The following SLC36A1 variants were observed in gnomAD, a reference collection of about 807,000 sequenced individuals.
The protein encoded by SLC36A1 is proton-coupled amino acid transporter 1.
SLC36A1 carries 30 observed loss-of-function variants against 47.5 expected under a neutral mutation model. That is an observed-to-expected ratio of 0.63 (90% confidence interval 0.47 to 0.86). The LOEUF (loss-of-function observed/expected upper bound fraction) is 0.86. Ranked by LOEUF, SLC36A1 falls within the 40% of genes least tolerant of loss-of-function variation. The pLI, the probability that SLC36A1 is intolerant of heterozygous loss-of-function variation, is 0.00. For synonymous variants in SLC36A1, 255 were observed against 249.7 expected, an observed-to-expected ratio of 1.02 and a Z score of -0.20; for missense variants, 517 against 606.0, an observed-to-expected ratio of 0.85 and a Z score of 1.54.
the SLC36A1 span, among the ~76,000 whole-genome samples, chr5:151,554,917 G>A: frequency 6.6e-6 from 1 of 152,202 alleles, no homozygotes; most frequent in Non-Finnish European, 1.5e-5. Context: ...GACAAAAGCT[G>A]GTGCTGTTTA....
At chr5:151,534,529 C>T in the SLC36A1 span, 2 of 1,613,936 alleles carry the variant, frequency 1.2e-6, no homozygotes, top group African/African-American at 1.3e-5. Context: ...ACATCCTCCA[C>T]ATGGAGGGTG....
At chr5:151,545,195 T>C in the SLC36A1 span, 2 of 1,614,204 alleles carry the variant, frequency 1.2e-6, no homozygotes, top group Non-Finnish European at 1.7e-6. Flanking sequence ...AAGTTCTCCT[T>C]CACAGCTGCC....
the SLC36A1 span, among the ~76,000 whole-genome samples, chr5:151,552,181 G>T: frequency 1.3e-5 from 2 of 152,014 alleles, no homozygotes; most frequent in Admixed American, 1.3e-4. Context: ...TGGAGTGTAT[G>T]GTGCAATCAT....
chr5:151,431,827 G>A, the SLC36A1 span, among the ~76,000 whole-genome samples: 1 of 152,184 alleles, frequency 6.6e-6, no homozygotes, highest in Admixed American at 6.5e-5. Flanking sequence ...GCGTGAAAAT[G>A]AACTAATACA....
chr5:151,441,598 T>C (rs930373791), intron 1 of SLC36A1, among the ~76,000 whole-genome samples: 1 of 152,202 alleles, frequency 6.6e-6, no homozygotes, highest in African/African-American at 2.4e-5. Context: ...ATTTCTGTAA[T>C]TGTATAATAT....
In SLC36A1 at chr5:151,491,439, A is replaced by G. The variant is rs185942910; in HGVS notation, c.*3185A>G. On this transcript the variant is annotated 3_prime_UTR_variant, in exon 11 of 11. Transcript: ENST00000243389. The stretch of plus-strand genomic sequence containing the variant: ...CTCACTGTCTATCCCCACGAAATTT[A>G]GTTTTATCAGTAGTCTTAAAGTGTT... The G allele has an allele frequency of 3.4e-4, 52 of 152,778 alleles. 1 individual carries two copies. Among genetic ancestry groups the G allele is most frequent in the Middle Eastern group, 3.4e-3 (1 of 294 alleles). 9.5% of individuals were successfully genotyped at this position (152,778 alleles called of 1,614,324 possible).
chr5:151,427,142 GT>G, the SLC36A1 span, among the ~76,000 whole-genome samples: 1 of 152,098 alleles, frequency 6.6e-6, no homozygotes, highest in South Asian at 2.1e-4. Flanking sequence ...TTACCCCACA[GT>G]ATCATGGCTT....
At chr5:151,402,416 TG>T in the SLC36A1 span, among the ~76,000 whole-genome samples, 7 of 152,210 alleles carry the variant, frequency 4.6e-5, no homozygotes, top group Non-Finnish European at 7.4e-5. Context: ...AGGATTTTTG[TG>T]TCAATGTTCA....
the SLC36A1 span, among the ~76,000 whole-genome samples, chr5:151,376,932 CA>C: frequency 6.6e-6 from 1 of 151,958 alleles, no homozygotes; most frequent in Non-Finnish European, 1.5e-5. Context: ...CGCACCCGGC[CA>C]AAAAAATTTT....
chr5:151,520,219 G>A, the SLC36A1 span, among the ~76,000 whole-genome samples: 4 of 152,264 alleles, frequency 2.6e-5, no homozygotes, highest in Admixed American at 1.3e-4. Flanking sequence ...AGGAGCGCTG[G>A]TGAGCTGAAG....
At chr5:151,521,635 C>A in the SLC36A1 span, 1 of 1,614,028 alleles carries the variant, frequency 6.2e-7, no homozygotes, top group South Asian at 1.1e-5. Context: ...GCTGAGGAAC[C>A]TCTGCAGGTT....
chr5:151,447,415 T>TCTGCC (rs973096197), upstream of SLC36A1, among the ~76,000 whole-genome samples: 3 of 152,160 alleles, frequency 2.0e-5, no homozygotes, highest in African/African-American at 7.2e-5. Context: ...ATGCCCAAGA[T>TCTGCC]CAATGCCCTG....
At chr5:151,510,118 CCCTT>C in the SLC36A1 span, 1 of 1,614,182 alleles carries the variant, frequency 6.2e-7, no homozygotes, top group Non-Finnish European at 8.5e-7. Context: ...GTACAGTTCT[CCCTT>C]CCTTGTTCAC....
At chr5:151,422,058 A>G in the SLC36A1 span, 1 of 152,382 alleles carries the variant, frequency 6.6e-6, no homozygotes, top group African/African-American at 2.4e-5. Flanking sequence ...ATGAACACAG[A>G]TAGCAGGAGA....
intron 2 of SLC36A1, chr5:151,459,957 C>A (rs1389617491): frequency 2.0e-5 from 3 of 152,230 alleles, no homozygotes; most frequent in Non-Finnish European, 1.5e-5. Context: ...GATTTCTATG[C>A]CTCAGGCTGG....
the SLC36A1 span, among the ~76,000 whole-genome samples, chr5:151,399,084 A>ATATATATATATATATATATATT: frequency 2.8e-4 from 17 of 60,034 alleles, no homozygotes; most frequent in African/African-American, 3.4e-4. Context: ...ATATATATAT[A>ATATATATATATATATATATATT]TTTTTTTTTT....
intron 8 of SLC36A1, among the ~76,000 whole-genome samples, chr5:151,474,186 A>G (rs1180804104): frequency 6.7e-6 from 1 of 149,142 alleles, no homozygotes; most frequent in Non-Finnish European, 1.5e-5. Flanking sequence ...AAAAGAAATT[A>G]TCTTCTGTAA....
chr5:151,346,784 T>C, the SLC36A1 span, among the ~76,000 whole-genome samples: 2 of 152,138 alleles, frequency 1.3e-5, no homozygotes, highest in Non-Finnish European at 2.9e-5. Flanking sequence ...ACTAGAACTT[T>C]CCACAAAGTG....
the SLC36A1 span, among the ~76,000 whole-genome samples, chr5:151,513,700 G>A: frequency 2.4e-3 from 366 of 152,008 alleles, 1 homozygote; most frequent in South Asian, 0.018. Flanking sequence ...ATGATACATC[G>A]GTTACCCGTA....
Sources: gnomAD v4.1 joint callset for allele counts (sites outside exome capture counted in the v4.1 genomes callset) on GRCh38, gnomAD v4.1.1 for gene constraint, MANE v1.5 for transcripts, NCBI Gene and HGNC (gene_info 2026-07-23, HGNC 2026-07-21) for gene names.